Variants in RAD51B observed in about 807,000 individuals in gnomAD.
RAD51B encodes the protein RAD51 paralog B.
RAD51B carries 38 observed loss-of-function variants against 42.2 expected under a neutral mutation model. The observed-to-expected ratio is 0.90, with a 90% CI of 0.70 to 1.18. The LOEUF is 1.18. Among genes scored for constraint, RAD51B ranks in the 50% most tolerant of loss-of-function variants. RAD51B has a pLI of 0.00. For synonymous variants in RAD51B, 154 were observed against 145.2 expected (o/e 1.06, Z -0.43); for missense variants, 373 against 400.7 (o/e 0.93, Z 0.59).
intron 8 of RAD51B, among the ~76,000 whole-genome samples, chr14:68,317,739 A>G (rs1407030110): frequency 6.6e-6 from 1 of 152,216 alleles, no homozygotes; most frequent in Non-Finnish European, 1.5e-5. Context: ...TAAGGGAAGA[A>G]TTGCATTTGA....
downstream of RAD51B, among the ~76,000 whole-genome samples, chr14:68,613,598 A>C (rs138247697): frequency 3.5e-3 from 526 of 151,820 alleles, 5 homozygotes; most frequent in African/African-American, 0.011. Flanking sequence ...GGACTACAGG[A>C]GCCCACCACC....
intron 10 of RAD51B, among the ~76,000 whole-genome samples, chr14:68,532,491 G>A (rs929120844): frequency 6.6e-6 from 1 of 152,150 alleles, no homozygotes; most frequent in Non-Finnish European, 1.5e-5. Flanking sequence ...GGAAGTTAAT[G>A]ATTTTTTTAG....
At chr14:68,298,930 C>A (rs1161868363) in intron 8 of RAD51B, among the ~76,000 whole-genome samples, 1 of 152,008 alleles carries the variant, frequency 6.6e-6, no homozygotes, top group Non-Finnish European at 1.5e-5. Context: ...AATGCATTTG[C>A]GATGTTTACT....
At chr14:68,472,782 A>T (rs1053946154) in intron 10 of RAD51B, among the ~76,000 whole-genome samples, 2 of 152,228 alleles carry the variant, frequency 1.3e-5, no homozygotes, top group Non-Finnish European at 2.9e-5. Flanking sequence ...TTAGTTTCCC[A>T]TATCTCCAAC....
At chr14:67,938,819 A>G (rs1400393366) in intron 7 of RAD51B, among the ~76,000 whole-genome samples, 2 of 152,212 alleles carry the variant, frequency 1.3e-5, no homozygotes, top group African/African-American at 2.4e-5. Flanking sequence ...GTCTCACTTG[A>G]CAATTTCATT....
chr14:67,906,963 C>T (rs902050720), intron 7 of RAD51B, among the ~76,000 whole-genome samples: 1 of 151,978 alleles, frequency 6.6e-6, no homozygotes, highest in African/African-American at 2.4e-5. Flanking sequence ...GCATGTGCTA[C>T]CATACCCGGC....
chr14:68,599,684 A>G (rs572803103), downstream of RAD51B, among the ~76,000 whole-genome samples: 2 of 152,238 alleles, frequency 1.3e-5, no homozygotes, highest in Non-Finnish European at 2.9e-5. Context: ...AGATCAGGAA[A>G]TCGGTCTGGA....
intron 7 of RAD51B, among the ~76,000 whole-genome samples, chr14:68,070,792 C>CTT (rs796629690): frequency 2.9e-5 from 4 of 139,772 alleles, no homozygotes; most frequent in African/African-American, 1.0e-4. Flanking sequence ...AATTTTAGTG[C>CTT]TTTTTTTTTT....
chr14:68,403,973 A>G (rs1487047757), intron 8 of RAD51B, among the ~76,000 whole-genome samples: 1 of 152,224 alleles, frequency 6.6e-6, no homozygotes, highest in African/African-American at 2.4e-5. Context: ...TGGGTTAGCA[A>G]TCACAGAAAG....
At chr14:68,260,782 G>A (rs1285619235) in intron 7 of RAD51B, among the ~76,000 whole-genome samples, 1 of 152,102 alleles carries the variant, frequency 6.6e-6, no homozygotes. Context: ...CCATATTTGG[G>A]GGTAGCATTT....
At chr14:68,299,105 C>T in intron 8 of RAD51B, among the ~76,000 whole-genome samples, 1 of 151,850 alleles carries the variant, frequency 6.6e-6, no homozygotes, top group Non-Finnish European at 1.5e-5. Context: ...GGCTGTTCTT[C>T]AGTCGAAGAT....
chr14:68,003,001 G>C (rs1445537346), intron 7 of RAD51B, among the ~76,000 whole-genome samples: 3 of 152,088 alleles, frequency 2.0e-5, no homozygotes, highest in Non-Finnish European at 2.9e-5. Context: ...GGATTGTCTT[G>C]GGTATTCAGG....
At chr14:68,328,484 C>T (rs575080682) in intron 8 of RAD51B, among the ~76,000 whole-genome samples, 1 of 152,214 alleles carries the variant, frequency 6.6e-6, no homozygotes, top group East Asian at 1.9e-4. Flanking sequence ...TGGACTATAC[C>T]ATTTGTGGAT....
intron 7 of RAD51B, among the ~76,000 whole-genome samples, chr14:68,103,079 T>C (rs2077318710): frequency 6.6e-6 from 1 of 152,082 alleles, no homozygotes; most frequent in South Asian, 2.1e-4. Context: ...ATGATGCAGT[T>C]ACCTCCCACT....
At chr14:67,916,110 T>C (rs1227761535) in intron 7 of RAD51B, among the ~76,000 whole-genome samples, 1 of 152,226 alleles carries the variant, frequency 6.6e-6, no homozygotes, top group Non-Finnish European at 1.5e-5. Flanking sequence ...GAAGTTTCTC[T>C]GGCAATCTGG....
intron 7 of RAD51B, among the ~76,000 whole-genome samples, chr14:68,150,339 T>C (rs1802346759): frequency 1.3e-5 from 2 of 152,242 alleles, no homozygotes; most frequent in Non-Finnish European, 2.9e-5. Context: ...AATTTGTCCA[T>C]ATCCATAAAG....
intron 7 of RAD51B, among the ~76,000 whole-genome samples, chr14:68,212,743 AGTG>A (rs1435979820): frequency 1.3e-5 from 2 of 152,236 alleles, no homozygotes; most frequent in Non-Finnish European, 2.9e-5. Flanking sequence ...AAATTTTTAG[AGTG>A]GATTACTGAA....
intron 7 of RAD51B, among the ~76,000 whole-genome samples, chr14:67,990,991 TA>T (rs1437296268): frequency 6.6e-6 from 1 of 152,180 alleles, no homozygotes; most frequent in Non-Finnish European, 1.5e-5. Context: ...GACTATATAC[TA>T]ATGGAGAAGA....
chr14:68,156,432 G>A (rs1396332611), intron 7 of RAD51B, among the ~76,000 whole-genome samples: 1 of 143,244 alleles, frequency 7.0e-6, no homozygotes, highest in Non-Finnish European at 1.5e-5. Context: ...CCCTTTTTAA[G>A]TCAAGAAAGC....
Sources: allele counts gnomAD v4.1 joint callset (sites outside exome capture counted in the v4.1 genomes callset), GRCh38; gene constraint gnomAD v4.1.1; transcripts MANE v1.5; gene names NCBI Gene and HGNC (gene_info 2026-07-23, HGNC 2026-07-21).